Variants in AMMECR1 observed in about 807,000 individuals in gnomAD.
AMMECR1 encodes the protein AMMECR nuclear protein 1, also known as nuclear protein AMMECR1.
A neutral mutation model predicts 22.5 loss-of-function variants in AMMECR1; 3 were observed. The observed-to-expected ratio is 0.13, with a 90% CI of 0.06 to 0.35. The LOEUF is 0.35. Among genes scored for constraint, AMMECR1 ranks in the 10% least tolerant of loss-of-function variants. The pLI, the probability that AMMECR1 is intolerant of heterozygous loss-of-function variation, is 1.00. For synonymous variants in AMMECR1, 130 were observed against 116.7 expected, an observed-to-expected ratio of 1.11 and a Z score of -0.74; for missense variants, 235 against 278.7, an observed-to-expected ratio of 0.84 and a Z score of 1.12.
intron 2 of AMMECR1, among the ~76,000 whole-genome samples, chrX:110,261,270 C>G (rs755618052): frequency 5.6e-4 from 63 of 111,960 alleles, no homozygotes; most frequent in Admixed American, 1.2e-3. Context: ...AAACAATAGT[C>G]TATCTAATCA....
At chrX:110,271,411 G>A (rs1291589391) in intron 1 of AMMECR1, among the ~76,000 whole-genome samples, 2 of 112,513 alleles carry the variant, frequency 1.8e-5, no homozygotes, top group African/African-American at 6.5e-5. Flanking sequence ...AAGTCTAACA[G>A]ATGATTGGGA....
In AMMECR1 at chrX:110,277,178, T is replaced by C. The variant is rs139393527; in HGVS notation, c.474-12579A>G. Among the ~76,000 whole-genome samples, 738 of 111,590 alleles carry C rather than the reference T, an allele frequency of 6.6e-3. 5 individuals are homozygous for C. Among genetic ancestry groups the C allele is most frequent in the African/African-American group, 0.022 (683 of 30,706 alleles). ...GACAAAAGTAGAAGTCTCAAAGCCC[T>C]TTAACCCTAAGTCACATTAAGGTTC... On this transcript the variant is annotated intron_variant, in intron 1 of 5. Transcript: ENST00000262844.
intron 1 of AMMECR1, among the ~76,000 whole-genome samples, chrX:110,307,856 T>C (rs2068004932): frequency 9.6e-6 from 1 of 103,691 alleles, no homozygotes; most frequent in African/African-American, 3.7e-5. Context: ...CTAGAAACTT[T>C]TTTTTTTCTT....
At chrX:110,304,936 C>T (rs182208780) in intron 1 of AMMECR1, among the ~76,000 whole-genome samples, 1 of 112,238 alleles carries the variant, frequency 8.9e-6, no homozygotes, top group East Asian at 2.8e-4. Context: ...TCTACCTAGC[C>T]TAAATCCTAT....
chrX:110,208,088 C>T (rs923005001), intron 3 of AMMECR1, among the ~76,000 whole-genome samples: 17 of 112,298 alleles, frequency 1.5e-4, no homozygotes, highest in African/African-American at 2.9e-4. Context: ...ATCTTAGTGA[C>T]GTAAAAATTA....
intron 2 of AMMECR1, among the ~76,000 whole-genome samples, chrX:110,222,800 G>C (rs963415401): frequency 1.2e-4 from 13 of 110,679 alleles, no homozygotes; most frequent in Non-Finnish European, 2.1e-4. Flanking sequence ...AGGGAGAATG[G>C]AAAAGTAAGA....
In AMMECR1 at chrX:110,377,905, A is replaced by C. The variant is rs753336100; in HGVS notation, c.-148+48753T>G. 1.2e-4 allele frequency among the ~76,000 whole-genome samples: 12 copies of C among 102,526 alleles called. No individual in the cohort carries two copies. The East Asian group carries it at 3.8e-3, about 33-fold the overall frequency. 89.0% of individuals were successfully genotyped at this position (102,526 alleles called of 115,157 possible). On this transcript the variant is annotated intron_variant, in intron 2 of 7. Coordinates refer to the AMMECR1 transcript ENST00000372057. ...GCCCCTGTAGTCCCAGCTACTCGGG[A>C]GGCTGAGGCAGGAGAATGGCGTGAA...
chrX:110,235,955 G>A (rs1040937934), intron 2 of AMMECR1, among the ~76,000 whole-genome samples: 2 of 107,678 alleles, frequency 1.9e-5, no homozygotes, highest in African/African-American at 3.4e-5. Flanking sequence ...AGAACTTAAA[G>A]TATAATAAAA....
intron 2 of AMMECR1, among the ~76,000 whole-genome samples, chrX:110,350,020 C>CA (rs2068205300): frequency 8.9e-6 from 1 of 112,069 alleles, no homozygotes; most frequent in Non-Finnish European, 1.9e-5. Context: ...AGTCATGGCT[C>CA]AAAGAAAGCC....
chrX:110,217,175 C>G (rs1410593875), intron 2 of AMMECR1, among the ~76,000 whole-genome samples: 4 of 105,822 alleles, frequency 3.8e-5, no homozygotes, highest in African/African-American at 6.9e-5. Context: ...AAAGGAAGAT[C>G]AAAATTTCAT....
At chrX:110,323,008 A>C (rs1330134811), upstream of AMMECR1, among the ~76,000 whole-genome samples, 2 of 111,810 alleles carry the variant, frequency 1.8e-5, no homozygotes. Flanking sequence ...CTGCCTGGTA[A>C]GTAGGCTGCT....
chrX:110,254,736 A>T (rs760133126), intron 2 of AMMECR1, among the ~76,000 whole-genome samples: 5 of 112,386 alleles, frequency 4.4e-5, no homozygotes, highest in Non-Finnish European at 9.4e-5. Context: ...TCAGAAGTAA[A>T]CTTCCCTTCC....
intron 2 of AMMECR1, among the ~76,000 whole-genome samples, chrX:110,229,654 T>A (rs775387200): frequency 2.7e-5 from 3 of 111,936 alleles, no homozygotes; most frequent in Non-Finnish European, 5.6e-5. Context: ...TTCGGACTGG[T>A]TGGACAGTGG....
At chrX:110,394,074 C>T (rs1006717860) in intron 2 of AMMECR1, among the ~76,000 whole-genome samples, 1 of 112,254 alleles carries the variant, frequency 8.9e-6, no homozygotes, top group African/African-American at 3.2e-5. Context: ...CTTGACCTGA[C>T]CCGCCATTGC....
At chrX:110,230,172 T>A (rs747300560) in intron 2 of AMMECR1, among the ~76,000 whole-genome samples, 1 of 112,664 alleles carries the variant, frequency 8.9e-6, no homozygotes, top group South Asian at 3.6e-4. Flanking sequence ...ACACAGCGTT[T>A]GAGATCTGAG....
intron 2 of AMMECR1, among the ~76,000 whole-genome samples, chrX:110,232,054 C>A (rs1055550054): frequency 1.3e-4 from 14 of 110,912 alleles, no homozygotes; most frequent in African/African-American, 4.6e-4. Context: ...TAGACTCCCA[C>A]ACAATAATAA....
At chrX:110,430,476 G>T (rs892839034) in intron 1 of AMMECR1, among the ~76,000 whole-genome samples, 1 of 112,062 alleles carries the variant, frequency 8.9e-6, no homozygotes. Context: ...CTTGGCCAAG[G>T]TCACATAGCT....
At chrX:110,258,891 C>A (rs1057297176) in intron 2 of AMMECR1, among the ~76,000 whole-genome samples, 2 of 111,075 alleles carry the variant, frequency 1.8e-5, no homozygotes, top group African/African-American at 6.6e-5. Context: ...GAGTGGTTAC[C>A]CAAATAATCA....
chrX:110,261,217 TA>T (rs997985507), intron 2 of AMMECR1, among the ~76,000 whole-genome samples: 12 of 108,754 alleles, frequency 1.1e-4, no homozygotes, highest in African/African-American at 3.0e-4. Context: ...TTCCCCACAA[TA>T]AAAAAAAAGA....
Sources: allele counts gnomAD v4.1 joint callset (sites outside exome capture counted in the v4.1 genomes callset), GRCh38; gene constraint gnomAD v4.1.1; transcripts MANE v1.5; gene names NCBI Gene and HGNC (gene_info 2026-07-23, HGNC 2026-07-21).